The following STPG2 variants were observed in gnomAD, a reference collection of about 807,000 sequenced individuals.
STPG2 encodes sperm tail PG-rich repeat containing 2.
STPG2 carries 56 observed loss-of-function variants against 54.2 expected under a neutral mutation model. The ratio of observed to expected loss-of-function variants is 1.03; its 90% CI spans 0.83 to 1.29. The LOEUF (loss-of-function observed/expected upper bound fraction) is 1.29. Among genes scored for constraint, STPG2 ranks in the 50% most tolerant of loss-of-function variants. The probability of loss-of-function intolerance (pLI) is 0.00; values close to 1 mark genes in which losing one functional copy is unlikely to be tolerated. For synonymous variants in STPG2, 200 were observed against 181.8 expected, an observed-to-expected ratio of 1.10 and a Z score of -0.81; for missense variants, 596 against 544.9, an observed-to-expected ratio of 1.09 and a Z score of -0.93.
chr4:97,712,841 T>C (rs1352813481), intron 9 of STPG2, 27 bp from the exon 10 acceptor site: 2 of 1,460,174 alleles, frequency 1.4e-6, no homozygotes, highest in Non-Finnish European at 9.4e-7. Context: ...GTAAAAATTA[T>C]GATAAAGTAT....
At chr4:97,843,057 A>G (rs927762124) in intron 8 of STPG2, among the ~76,000 whole-genome samples, 3 of 151,970 alleles carry the variant, frequency 2.0e-5, no homozygotes, top group African/African-American at 7.2e-5. Flanking sequence ...ATTGTCAGGG[A>G]AAAATAGTAT....
At chr4:98,069,327 A>G (rs540649112) in intron 5 of STPG2, among the ~76,000 whole-genome samples, 161 of 152,134 alleles carry the variant, frequency 1.1e-3, no homozygotes, top group African/African-American at 3.8e-3. Flanking sequence ...GAAATGACTG[A>G]TATGCAAACT....
At chr4:97,974,805 A>G (rs909370571) in intron 6 of STPG2, among the ~76,000 whole-genome samples, 13 of 152,200 alleles carry the variant, frequency 8.5e-5, no homozygotes, top group Non-Finnish European at 1.5e-5. Flanking sequence ...AGTCTCGGGA[A>G]CGTCTTTATC....
intron 9 of STPG2, among the ~76,000 whole-genome samples, chr4:97,736,384 C>T (rs543870792): frequency 3.9e-5 from 6 of 152,132 alleles, no homozygotes; most frequent in African/African-American, 9.7e-5. Context: ...GCACACCGTG[C>T]GCGAGTCGAA....
chr4:97,625,887 T>C (rs1263042648), intron 10 of STPG2, among the ~76,000 whole-genome samples: 2 of 152,192 alleles, frequency 1.3e-5, no homozygotes, highest in Non-Finnish European at 2.9e-5. Context: ...TTAGATACTG[T>C]TATCCAAATT....
At chr4:97,733,918 C>A (rs1221324227) in intron 9 of STPG2, among the ~76,000 whole-genome samples, 2 of 152,152 alleles carry the variant, frequency 1.3e-5, no homozygotes, top group African/African-American at 4.8e-5. Flanking sequence ...TGATCATCTT[C>A]TAGTTTTCTA....
intron 10 of STPG2, among the ~76,000 whole-genome samples, chr4:97,614,921 T>C (rs1203883705): frequency 1.3e-5 from 2 of 152,154 alleles, no homozygotes; most frequent in African/African-American, 4.8e-5. Flanking sequence ...TGTCAGTCCT[T>C]TTCAGTTAGG....
rs190601551 is a variant in STPG2, at chr4:97,528,468, G to A, written c.462+184231C>T. ...AATTTTGTTCTTTTTGCTTAGGATT[G>A]TCTTGGCTATAAGGGCTCTTTTTGG... On this transcript the variant is annotated intron_variant, in intron 4 of 4. Transcript: ENST00000522676. 5.3e-5 allele frequency among the ~76,000 whole-genome samples: 8 copies of A among 152,214 alleles called. No homozygotes were observed. In the East Asian group the frequency reaches 1.5e-3, roughly 29 times the overall value.
At chr4:97,507,777 G>C (rs904890462) in intron 4 of STPG2, among the ~76,000 whole-genome samples, 2 of 151,996 alleles carry the variant, frequency 1.3e-5, no homozygotes, top group Admixed American at 1.3e-4. Context: ...GTCTAGGAAA[G>C]TCCTGAATGC....
intron 9 of STPG2, among the ~76,000 whole-genome samples, chr4:97,729,843 A>G (rs1258500580): frequency 5.9e-5 from 9 of 151,460 alleles, no homozygotes; most frequent in African/African-American, 1.9e-4. Flanking sequence ...TTTTCCTGCT[A>G]TTGTAAATGG....
chr4:98,033,842 A>G (rs11932831), intron 5 of STPG2, among the ~76,000 whole-genome samples: 59,921 of 151,920 alleles, frequency 0.39, 12,039 homozygotes, highest in Middle Eastern at 0.46. Context: ...CAGAACCAAC[A>G]ACAAAAACCA....
chr4:97,627,701 G>T (rs1734169490), intron 10 of STPG2, among the ~76,000 whole-genome samples: 2 of 152,134 alleles, frequency 1.3e-5, no homozygotes, highest in East Asian at 3.9e-4. Context: ...GATACATAGA[G>T]AATTTTGGCA....
At chr4:97,494,653 T>C (rs1184476931) in intron 4 of STPG2, among the ~76,000 whole-genome samples, 3 of 151,540 alleles carry the variant, frequency 2.0e-5, no homozygotes, top group Non-Finnish European at 4.4e-5. Context: ...GAAATTGATA[T>C]GACTTAAATT....
chr4:97,697,923 G>T (rs1038114871), intron 10 of STPG2, among the ~76,000 whole-genome samples: 1 of 152,160 alleles, frequency 6.6e-6, no homozygotes, highest in Non-Finnish European at 1.5e-5. Flanking sequence ...AATGCTTTTA[G>T]TTAATCTATA....
At chr4:97,952,005 A>G (rs1733491137) in intron 7 of STPG2, among the ~76,000 whole-genome samples, 1 of 152,148 alleles carries the variant, frequency 6.6e-6, no homozygotes, top group Non-Finnish European at 1.5e-5. Context: ...TCAGGGCAGC[A>G]GAAAAGCAAT....
chr4:97,451,392 G>C (rs1012189650), intron 4 of STPG2, among the ~76,000 whole-genome samples: 1 of 152,076 alleles, frequency 6.6e-6, no homozygotes, highest in African/African-American at 2.4e-5. Flanking sequence ...AAGGGAAAAG[G>C]AGGGGAGAAG....
At chr4:98,005,068 T>C (rs558035651) in intron 5 of STPG2, among the ~76,000 whole-genome samples, 1 of 152,074 alleles carries the variant, frequency 6.6e-6, no homozygotes, top group Non-Finnish European at 1.5e-5. Flanking sequence ...AAAAAATTAT[T>C]GCCCAGACCA....
chr4:97,686,923 A>G (rs1162718385), intron 10 of STPG2, among the ~76,000 whole-genome samples: 1 of 147,658 alleles, frequency 6.8e-6, no homozygotes, highest in Admixed American at 6.8e-5. Flanking sequence ...TATTTTACTA[A>G]TTATTATTAT....
intron 3 of STPG2, among the ~76,000 whole-genome samples, chr4:98,110,605 G>A (rs551376643): frequency 6.6e-6 from 1 of 152,064 alleles, no homozygotes; most frequent in Non-Finnish European, 1.5e-5. Context: ...AAGTTAAAAG[G>A]TCAATCCATG....
Sources: gnomAD v4.1 joint callset for allele counts (sites outside exome capture counted in the v4.1 genomes callset) on GRCh38, gnomAD v4.1.1 for gene constraint, MANE v1.5 for transcripts, NCBI Gene and HGNC (gene_info 2026-07-23, HGNC 2026-07-21) for gene names.